PLPP4: variants seen among roughly 807,000 people sequenced by gnomAD.
PLPP4 encodes the protein phospholipid phosphatase 4, also known as diacylglycerol pyrophosphate like 2.
PLPP4 carries 20 observed loss-of-function variants against 32.2 expected under a neutral mutation model. That is an observed-to-expected ratio of 0.62 (90% CI 0.44 to 0.90). The LOEUF (loss-of-function observed/expected upper bound fraction) is 0.90, where lower values mean the gene tolerates loss of function less well. PLPP4 is among the 40% of genes least tolerant of loss of function. The pLI is 0.00. For synonymous variants in PLPP4, 127 were observed against 133.0 expected, an observed-to-expected ratio of 0.95 and a Z score of 0.31; for missense variants, 257 against 353.1, an observed-to-expected ratio of 0.73 and a Z score of 2.18.
intron 1 of PLPP4, among the ~76,000 whole-genome samples, chr10:120,470,298 AT>A (rs1848459991): frequency 6.6e-6 from 1 of 152,350 alleles, no homozygotes; most frequent in African/African-American, 2.4e-5. Flanking sequence ...TCTCTGAATT[AT>A]TCTTACTGAT....
At chr10:120,527,851 C>G (rs1846477930) in intron 5 of PLPP4, among the ~76,000 whole-genome samples, 1 of 152,124 alleles carries the variant, frequency 6.6e-6, no homozygotes, top group East Asian at 1.9e-4. Context: ...CACATGATAG[C>G]ATGCATCTAT....
upstream of PLPP4, chr10:120,457,183 C>T (rs1230726243): frequency 8.0e-6 from 5 of 622,142 alleles, no homozygotes; most frequent in East Asian, 1.4e-4. Context: ...CCCGCCTCCG[C>T]CCCCGCCCGC....
chr10:120,514,115 T>C (rs1187808581), intron 3 of PLPP4, 114 bp downstream of exon 3: 26 of 828,702 alleles, frequency 3.1e-5, no homozygotes, highest in Middle Eastern at 2.2e-4. Flanking sequence ...CAAATTAAGC[T>C]GGGGAGGAAC....
At chr10:120,480,396 A>G (rs1162139993) in intron 1 of PLPP4, among the ~76,000 whole-genome samples, 1 of 152,186 alleles carries the variant, frequency 6.6e-6, no homozygotes, top group East Asian at 1.9e-4. Context: ...TCCTTTGTCC[A>G]AGGTTTTGAT....
chr10:120,590,123 A>G lies in PLPP4; in HGVS notation c.*621A>G, dbSNP rs1738499888. The stretch of plus-strand genomic sequence containing the variant: ...CATGCACAGACTTCCACCAAACACA[A>G]TGAGCATGAAGATGCATGAGTGCAT... On this transcript the variant is annotated 3_prime_UTR_variant, in exon 7 of 7. Transcript: ENST00000398250. Among the ~76,000 whole-genome samples, 1 of 152,210 alleles carries G rather than the reference A, an allele frequency of 6.6e-6. No individual in the cohort carries two copies. Among genetic ancestry groups the G allele is most frequent in the South Asian group, 2.1e-4 (1 of 4,830 alleles).
intron 2 of PLPP4, among the ~76,000 whole-genome samples, chr10:120,509,568 C>T (rs1845644292): frequency 6.6e-6 from 1 of 152,104 alleles, no homozygotes; most frequent in Non-Finnish European, 1.5e-5. Context: ...TAAACTAAAG[C>T]TTTTGGGCTA....
intron 1 of PLPP4, among the ~76,000 whole-genome samples, chr10:120,474,259 C>T (rs759448639): frequency 2.0e-5 from 3 of 152,016 alleles, no homozygotes; most frequent in Non-Finnish European, 4.4e-5. Context: ...TTTTTAGATA[C>T]AAATTTATAT....
chr10:120,459,224 C>T (rs1294019043), intron 1 of PLPP4, among the ~76,000 whole-genome samples: 1 of 152,198 alleles, frequency 6.6e-6, no homozygotes, highest in Non-Finnish European at 1.5e-5. Flanking sequence ...TCTTGTGTTA[C>T]TTAATAGGGG....
At chr10:120,549,397 A>G (rs933657759) in intron 5 of PLPP4, among the ~76,000 whole-genome samples, 1 of 151,470 alleles carries the variant, frequency 6.6e-6, no homozygotes, top group Non-Finnish European at 1.5e-5. Flanking sequence ...CTCCAGGCCC[A>G]GGTGGTTTCA....
intron 5 of PLPP4, among the ~76,000 whole-genome samples, chr10:120,537,337 A>G (rs117940584): frequency 6.6e-6 from 1 of 152,214 alleles, no homozygotes; most frequent in Non-Finnish European, 1.5e-5. Flanking sequence ...TAGATAAACA[A>G]TTGAATATTA....
rs1848396985 is a variant in PLPP4 at position 120,468,470 on chromosome 10, G to C, written c.56+11109G>C. Among the ~76,000 whole-genome samples the C allele has an allele frequency of 3.1e-5, 2 of 65,478 alleles. 1 individual carries two copies. The highest frequency in any genetic ancestry group is 6.5e-5 in the African/African-American group (2 of 30,756). The allele number at this position is 65,478 out of a possible 152,430, so 43.0% of individuals were successfully genotyped here. A position where few individuals can be genotyped will look rare whatever the true frequency, so the allele number is the denominator to read the frequency against. On this transcript the variant is annotated intron_variant, in intron 1 of 6. Transcript: ENST00000398250. ...ATGTGGTAATGTAATAAAATCAATT[G>C]TGCCTATATCTCTATAAAGATACAT...
intron 1 of PLPP4, among the ~76,000 whole-genome samples, chr10:120,471,399 T>C (rs1447450363): frequency 6.6e-6 from 1 of 152,016 alleles, no homozygotes; most frequent in Non-Finnish European, 1.5e-5. Flanking sequence ...CTTTAGTAAT[T>C]TGGATGTCAT....
At chr10:120,580,115 CAAAAAA>C (rs10609637) in intron 6 of PLPP4, among the ~76,000 whole-genome samples, 56 of 91,550 alleles carry the variant, frequency 6.1e-4, no homozygotes, top group South Asian at 1.6e-3. Context: ...GCGAGACTCT[CAAAAAA>C]AAAAAAAAAA....
intron 1 of PLPP4, among the ~76,000 whole-genome samples, chr10:120,477,765 C>G (rs2133809154): frequency 6.6e-6 from 1 of 152,256 alleles, no homozygotes; most frequent in African/African-American, 2.4e-5. Context: ...ATATGCCTGG[C>G]ACATAGTAGA....
intron 5 of PLPP4, among the ~76,000 whole-genome samples, chr10:120,541,047 G>C (rs537670707): frequency 2.6e-5 from 4 of 152,232 alleles, no homozygotes; most frequent in Non-Finnish European, 4.4e-5. Flanking sequence ...ATATTATTGC[G>C]TGTCAAAAGA....
At chr10:120,488,667 A>T (rs2133832627) in intron 1 of PLPP4, among the ~76,000 whole-genome samples, 1 of 152,342 alleles carries the variant, frequency 6.6e-6, no homozygotes, top group Non-Finnish European at 1.5e-5. Flanking sequence ...GCTGCTAACT[A>T]GCTCCAGCTT....
chr10:120,462,836 G>A (rs2463123), intron 1 of PLPP4, among the ~76,000 whole-genome samples: 2,146 of 152,210 alleles, frequency 0.014, 57 homozygotes, highest in African/African-American at 0.049. Context: ...CAGCACCGCA[G>A]GGTGGAGGCA....
intron 1 of PLPP4, among the ~76,000 whole-genome samples, chr10:120,462,898 G>A (rs562184313): frequency 1.3e-5 from 2 of 152,268 alleles, no homozygotes; most frequent in East Asian, 3.9e-4. Context: ...TTGTAAGAGG[G>A]AGGGGGACTT....
At chr10:120,554,788 C>T (rs968878025) in intron 5 of PLPP4, among the ~76,000 whole-genome samples, 1 of 152,030 alleles carries the variant, frequency 6.6e-6, no homozygotes, top group South Asian at 2.1e-4. Context: ...TTTAAACAAC[C>T]AGACCTCATG....
Sources: allele counts gnomAD v4.1 joint callset (sites outside exome capture counted in the v4.1 genomes callset), GRCh38; gene constraint gnomAD v4.1.1; transcripts MANE v1.5; gene names NCBI Gene and HGNC (gene_info 2026-07-23, HGNC 2026-07-21).